Variants in EPC1 observed in about 807,000 individuals in gnomAD.
EPC1 encodes the protein enhancer of polycomb 1.
EPC1 carries 12 observed loss-of-function variants against 98.4 expected under a neutral mutation model. The ratio of observed to expected loss-of-function variants is 0.12; its 90% CI spans 0.08 to 0.20. The LOEUF (loss-of-function observed/expected upper bound fraction) is 0.20, where lower values mean the gene tolerates loss of function less well. Ranked by LOEUF, EPC1 falls within the 10% of genes least tolerant of loss-of-function variation. The pLI is 1.00. For synonymous variants in EPC1, 357 were observed against 363.9 expected, an observed-to-expected ratio of 0.98 and a Z score of 0.21; for missense variants, 729 against 990.5, an observed-to-expected ratio of 0.74 and a Z score of 3.54.
intron 1 of EPC1, among the ~76,000 whole-genome samples, chr10:32,336,136 T>A (rs1837953805): frequency 6.6e-6 from 1 of 151,378 alleles, no homozygotes; most frequent in Non-Finnish European, 1.5e-5. Context: ...TGGCACGATC[T>A]CGGCTCACTG....
intron 2 of EPC1, among the ~76,000 whole-genome samples, chr10:32,296,883 G>T (rs1835200017): frequency 1.3e-5 from 2 of 151,444 alleles, no homozygotes; most frequent in Non-Finnish European, 2.9e-5. Flanking sequence ...ATCTAGCCTG[G>T]GCGACAGAGC....
chr10:32,281,092 T>A (rs1232317120), intron 10 of EPC1, among the ~76,000 whole-genome samples: 3 of 152,204 alleles, frequency 2.0e-5, no homozygotes, highest in Non-Finnish European at 4.4e-5. Context: ...TGGAGTGCAG[T>A]GGCGTGATGT....
chr10:32,342,274 A>C (rs1352206867), intron 1 of EPC1, among the ~76,000 whole-genome samples: 2 of 152,218 alleles, frequency 1.3e-5, no homozygotes, highest in Admixed American at 6.5e-5. Context: ...AGATAAAGGG[A>C]CTAAAAATAT....
At chr10:32,279,506 G>C (rs11599522) in intron 10 of EPC1, among the ~76,000 whole-genome samples, 24,025 of 152,098 alleles carry the variant, frequency 0.16, 2,163 homozygotes, top group South Asian at 0.33. Flanking sequence ...AAACTAAATT[G>C]CACTAAGTTA....
At chr10:32,303,532 T>C (rs1379165692) in intron 2 of EPC1, among the ~76,000 whole-genome samples, 1 of 151,782 alleles carries the variant, frequency 6.6e-6, no homozygotes, top group Non-Finnish European at 1.5e-5. Context: ...TGATACTGAG[T>C]GAAAAAAAGC....
chr10:32,280,433 A>C (rs544396136), intron 10 of EPC1, among the ~76,000 whole-genome samples: 1 of 152,182 alleles, frequency 6.6e-6, no homozygotes, highest in African/African-American at 2.4e-5. Context: ...CCTGGGAGAC[A>C]GAGTGAAACT....
At chr10:32,362,370 A>C (rs2490515) in intron 1 of EPC1, among the ~76,000 whole-genome samples, 1 of 151,836 alleles carries the variant, frequency 6.6e-6, no homozygotes, top group South Asian at 2.1e-4. Flanking sequence ...CTCATGAATG[A>C]TTTAGCACCA....
intron 1 of EPC1, 68 bp downstream of exon 1, chr10:32,346,695 C>A: frequency 6.8e-7 from 1 of 1,460,122 alleles, no homozygotes; most frequent in Non-Finnish European, 9.5e-7. Context: ...GTTTGCTGCT[C>A]CGCCGCCGCC....
At chr10:32,361,729 C>A (rs1449161862) in intron 1 of EPC1, among the ~76,000 whole-genome samples, 2 of 152,122 alleles carry the variant, frequency 1.3e-5, no homozygotes, top group East Asian at 3.8e-4. Flanking sequence ...TTTACAGCCC[C>A]AAATGTCAGA....
upstream of EPC1, among the ~76,000 whole-genome samples, chr10:32,347,768 G>A (rs1298510821): frequency 1.3e-5 from 2 of 152,224 alleles, no homozygotes; most frequent in African/African-American, 4.8e-5. Context: ...GCTACTTTGA[G>A]TAAACTTTTA....
At chr10:32,277,757 G>A (rs1836175502) in intron 10 of EPC1, among the ~76,000 whole-genome samples, 1 of 152,044 alleles carries the variant, frequency 6.6e-6, no homozygotes, top group African/African-American at 2.4e-5. Flanking sequence ...TTGTAGAGAT[G>A]GGTGTTTCAC....
At chr10:32,363,983 T>C (rs188715070) in intron 1 of EPC1, among the ~76,000 whole-genome samples, 2 of 147,936 alleles carry the variant, frequency 1.4e-5, no homozygotes, top group East Asian at 4.0e-4. Flanking sequence ...TATAATAGTA[T>C]CGTGTCCATC....
intron 1 of EPC1, among the ~76,000 whole-genome samples, chr10:32,315,017 C>T (rs1388689881): frequency 6.6e-6 from 1 of 152,212 alleles, no homozygotes; most frequent in East Asian, 1.9e-4. Flanking sequence ...TGTGCTATCA[C>T]TATTTATGTT....
At chr10:32,349,844 C>A (rs1839060156), upstream of EPC1, among the ~76,000 whole-genome samples, 1 of 152,220 alleles carries the variant, frequency 6.6e-6, no homozygotes, top group South Asian at 2.1e-4. Context: ...AAGCAGTCCT[C>A]CCACCTCGGC....
At chr10:32,361,147 A>C (rs1438534458) in intron 1 of EPC1, among the ~76,000 whole-genome samples, 1 of 152,242 alleles carries the variant, frequency 6.6e-6, no homozygotes, top group Non-Finnish European at 1.5e-5. Flanking sequence ...TTAGGAAAAC[A>C]AATTGCTAAG....
intron 1 of EPC1, among the ~76,000 whole-genome samples, chr10:32,342,944 T>C (rs1212327171): frequency 6.6e-6 from 1 of 152,236 alleles, no homozygotes; most frequent in Non-Finnish European, 1.5e-5. Context: ...TTGGTAAGTT[T>C]AACCTTTCAA....
chr10:32,316,170 G>C (rs1836536135), intron 1 of EPC1, among the ~76,000 whole-genome samples: 4 of 152,160 alleles, frequency 2.6e-5, no homozygotes, highest in Admixed American at 2.6e-4. Flanking sequence ...ATGCCCAGCA[G>C]AATGGCTAAA....
intron 11 of EPC1, chr10:32,272,923 G>T: frequency 9.4e-7 from 1 of 1,065,242 alleles, no homozygotes; most frequent in South Asian, 1.4e-5. Context: ...CTACAGGTCA[G>T]ACGGGAAGAC....
rs1211389444 is a variant in EPC1, at chr10:32,268,915, T to C, written c.*148A>G. 3.2e-6 allele frequency: 2 copies of C among 626,580 alleles called. No individual in the cohort carries two copies. The highest frequency in any genetic ancestry group is 2.2e-5 in the South Asian group (1 of 46,064). 38.8% of individuals were successfully genotyped at this position (626,580 alleles called of 1,614,324 possible). A position where few individuals can be genotyped will look rare whatever the true frequency, so the allele number is the denominator to read the frequency against. ...CCTATTAACAGTAAGAAAAGAAAAA[T>C]TGAAGCATGAGAGATGAGCATTGCT... On this transcript the variant is annotated 3_prime_UTR_variant, in exon 14 of 14. Transcript: ENST00000319778.
Sources: gnomAD v4.1 joint callset for allele counts (sites outside exome capture counted in the v4.1 genomes callset) on GRCh38, gnomAD v4.1.1 for gene constraint, MANE v1.5 for transcripts, NCBI Gene and HGNC (gene_info 2026-07-23, HGNC 2026-07-21) for gene names.